LIMCH1: variants seen among roughly 807,000 people sequenced by gnomAD.
LIMCH1 encodes LIM and calponin homology domains-containing protein 1.
In LIMCH1, 113 loss-of-function variants were observed where a neutral mutation model predicts 176.5. The observed-to-expected ratio is 0.64, with a 90% confidence interval of 0.55 to 0.75. The LOEUF is 0.75. LIMCH1 is among the 30% of genes least tolerant of loss of function. The pLI is 0.00. For missense variants in LIMCH1, 1,674 were observed against 1,814.9 expected (o/e 0.92, Z 1.41); for synonymous variants, 619 against 645.9 (o/e 0.96, Z 0.63).
rs1171793785 is a variant in LIMCH1 at position 41,698,043 on chromosome 4, C to T, written c.*858C>T. 1 of 152,084 alleles carries T rather than the reference C, an allele frequency of 6.6e-6. No individual in the cohort carries two copies. The highest frequency in any genetic ancestry group is 2.4e-5 in the African/African-American group (1 of 41,376). 9.4% of individuals were successfully genotyped at this position (152,084 alleles called of 1,614,324 possible). On this transcript the variant is annotated 3_prime_UTR_variant, in exon 32 of 32. Transcript: ENST00000503057. Reference sequence around the variant, plus strand: ...CATCAGGCCTCTGTTGCCTGCTTCTCTCGAGGCACTAGATTAGGAGTCTTC... The same window carrying T: ...CATCAGGCCTCTGTTGCCTGCTTCTTTCGAGGCACTAGATTAGGAGTCTTC...
chr4:41,467,011 G>A (rs781355739), intron 1 of LIMCH1, among the ~76,000 whole-genome samples: 2 of 152,048 alleles, frequency 1.3e-5, no homozygotes, highest in Non-Finnish European at 2.9e-5. Flanking sequence ...TCGCATAGGT[G>A]GAATCACACA....
chr4:41,632,330 C>T (rs906388966), intron 10 of LIMCH1, among the ~76,000 whole-genome samples: 1 of 152,154 alleles, frequency 6.6e-6, no homozygotes, highest in Admixed American at 6.5e-5. Context: ...TGATGGATGG[C>T]CTATGACCTA....
At chr4:41,644,252 C>T (rs1297210366) in intron 14 of LIMCH1, among the ~76,000 whole-genome samples, 2 of 152,210 alleles carry the variant, frequency 1.3e-5, no homozygotes, top group Admixed American at 6.5e-5. Context: ...TGACCCGATT[C>T]AGTGACATCA....
At chr4:41,591,207 T>C (rs1003596242) in intron 1 of LIMCH1, among the ~76,000 whole-genome samples, 4 of 151,836 alleles carry the variant, frequency 2.6e-5, no homozygotes, top group Non-Finnish European at 4.4e-5. Flanking sequence ...CTTTCTTTCT[T>C]TTCTCATTCT....
chr4:41,505,022 A>C (rs2073963971), intron 2 of LIMCH1, among the ~76,000 whole-genome samples: 1 of 152,208 alleles, frequency 6.6e-6, no homozygotes, highest in Non-Finnish European at 1.5e-5. Flanking sequence ...ACAGATCATA[A>C]TTGTAAAAAT....
intron 2 of LIMCH1, among the ~76,000 whole-genome samples, chr4:41,600,640 C>A (rs2089751102): frequency 6.6e-6 from 1 of 152,080 alleles, no homozygotes; most frequent in South Asian, 2.1e-4. Context: ...AGCCCTAGGT[C>A]TGCTGCTCAC....
chr4:41,631,132 T>A lies in LIMCH1; in HGVS notation c.1272-16T>A. 6.7e-7 allele frequency: 1 copy of A among 1,486,750 alleles called. No homozygotes were observed. Among genetic ancestry groups the A allele is most frequent in the Non-Finnish European group, 8.9e-7 (1 of 1,125,786 alleles). 92.1% of individuals were successfully genotyped at this position (1,486,750 alleles called of 1,614,324 possible). A position where few individuals can be genotyped will look rare whatever the true frequency, so the allele number is the denominator to read the frequency against. On this transcript the variant is annotated splice_polypyrimidine_tract_variant and intron_variant, in intron 9 of 31. Coordinates refer to ENST00000503057, the MANE Select transcript of LIMCH1 (RefSeq NM_001330672.2). ...GTACTCAGACACTTTTAGAACTTAT[T>A]TCTGGTTTTGACTAGGGATGGAGAT... is the stretch of plus-strand genomic sequence containing the variant.
At chr4:41,473,021 G>A (rs1169892273) in intron 1 of LIMCH1, 7 of 983,744 alleles carry the variant, frequency 7.1e-6, no homozygotes, top group African/African-American at 1.8e-5. Flanking sequence ...GAATAAATGC[G>A]AAGGCCAATC....
rs201691332 is a variant in LIMCH1, at chr4:41,685,744, G to A, written c.4002G>A (p.Thr1334=). ...PSQNQQTSNP[T]HSSEDVKPKT... ...AGAATCAGCAGACATCAAATCCAAC[G>A]CACAGTTCAGAAGATGTGAAGCCAA... The change falls in exon 28 of 32, where the codon ACG becomes ACA. Residue 1334 remains threonine (T), a synonymous_variant. Transcript: ENST00000503057. 170 of 1,613,554 alleles carry A rather than the reference G, an allele frequency of 1.1e-4. No homozygotes were observed. Among genetic ancestry groups the A allele is most frequent in the Non-Finnish European group, 1.4e-4 (166 of 1,179,658 alleles).
At chr4:41,512,737 G>A (rs2075081446) in intron 2 of LIMCH1, among the ~76,000 whole-genome samples, 1 of 152,162 alleles carries the variant, frequency 6.6e-6, no homozygotes, top group South Asian at 2.1e-4. Context: ...TGGTTGTTTG[G>A]GGCTGGGGGT....
At chr4:41,645,810 C>G (rs1407155848) in intron 15 of LIMCH1, among the ~76,000 whole-genome samples, 1 of 152,230 alleles carries the variant, frequency 6.6e-6, no homozygotes, top group Non-Finnish European at 1.5e-5. Context: ...AAGTTTCTTA[C>G]AGTTACCTTG....
chr4:41,547,650 A>G (rs147111486), intron 1 of LIMCH1, among the ~76,000 whole-genome samples: 16 of 146,326 alleles, frequency 1.1e-4, no homozygotes, highest in African/African-American at 4.0e-4. Context: ...TATATAATAT[A>G]TACAGATATA....
At chr4:41,419,679 TCC>T (rs2060401327) in intron 1 of LIMCH1, among the ~76,000 whole-genome samples, 3 of 46,854 alleles carry the variant, frequency 6.4e-5, no homozygotes, top group African/African-American at 2.3e-4. Context: ...CTTCCTTCCT[TCC>T]TCCTTCCTTC....
chr4:41,671,407 C>T (rs1205583821), intron 21 of LIMCH1, 147 bp from the exon 22 acceptor site: 6 of 461,472 alleles, frequency 1.3e-5, no homozygotes, highest in Admixed American at 1.2e-4. Context: ...AACACACACA[C>T]ACACACACAC....
chr4:41,487,592 A>G (rs953204947), intron 1 of LIMCH1, among the ~76,000 whole-genome samples: 2 of 151,728 alleles, frequency 1.3e-5, no homozygotes, highest in Non-Finnish European at 2.9e-5. Context: ...ACATACTAAG[A>G]TAATTTTAAG....
At chr4:41,449,330 A>G (rs2063601307) in intron 1 of LIMCH1, among the ~76,000 whole-genome samples, 1 of 152,120 alleles carries the variant, frequency 6.6e-6, no homozygotes, top group Admixed American at 6.6e-5. Flanking sequence ...GGTCTAATTC[A>G]CACAGCATAT....
At chr4:41,650,062 G>T (rs1239512682) in intron 17 of LIMCH1, among the ~76,000 whole-genome samples, 3 of 152,200 alleles carry the variant, frequency 2.0e-5, no homozygotes, top group Non-Finnish European at 4.4e-5. Flanking sequence ...AACAGTATTG[G>T]AACCCCAATA....
chr4:41,453,138 C>A (rs1438948745), intron 1 of LIMCH1, among the ~76,000 whole-genome samples: 1 of 152,210 alleles, frequency 6.6e-6, no homozygotes, highest in Non-Finnish European at 1.5e-5. Context: ...GAGGACTTTT[C>A]ACCCCACACC....
At chr4:41,373,011 A>G (rs1267522241) in intron 1 of LIMCH1, among the ~76,000 whole-genome samples, 1 of 152,214 alleles carries the variant, frequency 6.6e-6, no homozygotes, top group East Asian at 1.9e-4. Context: ...AGCGTGTCCT[A>G]GGGACTCAGT....
Sources: gnomAD v4.1 joint callset for allele counts (sites outside exome capture counted in the v4.1 genomes callset) on GRCh38, gnomAD v4.1.1 for gene constraint, MANE v1.5 for transcripts, NCBI Gene and HGNC (gene_info 2026-07-23, HGNC 2026-07-21) for gene names.